The following ENPP6 variants were observed in gnomAD, a reference collection of about 807,000 sequenced individuals.
ENPP6 encodes ectonucleotide pyrophosphatase/phosphodiesterase 6, also known as glycerophosphocholine cholinephosphodiesterase ENPP6.
Under a neutral mutation model 42.0 loss-of-function variants are expected in ENPP6, and 32 were observed. That is an observed-to-expected ratio of 0.76 (90% CI 0.58 to 1.02). The LOEUF (loss-of-function observed/expected upper bound fraction) is 1.02, where lower values mean the gene tolerates loss of function less well. ENPP6 is among the 50% of genes least tolerant of loss of function. The probability of loss-of-function intolerance (pLI) is 0.00; values close to 1 mark genes in which losing one functional copy is unlikely to be tolerated. For missense variants in ENPP6, 552 were observed against 566.8 expected (o/e 0.97, Z 0.27); for synonymous variants, 213 against 216.0 (o/e 0.99, Z 0.12).
intron 1 of ENPP6, among the ~76,000 whole-genome samples, chr4:184,202,908 A>T (rs1175893986): frequency 8.5e-5 from 13 of 152,192 alleles, no homozygotes; most frequent in Admixed American, 5.9e-4. Context: ...TTCTCACAGC[A>T]AGCCTATTGG....
chr4:184,105,893 C>T (rs1190727478), intron 6 of ENPP6, among the ~76,000 whole-genome samples: 1 of 152,138 alleles, frequency 6.6e-6, no homozygotes, highest in Non-Finnish European at 1.5e-5. Flanking sequence ...TAAGGATTTT[C>T]GTGGAACTGC....
At position 184,179,131 on chromosome 4, in the gene ENPP6, A is replaced by G. The variant is rs542375839; in HGVS notation, c.242-25398T>C. ...TTGGCATGTTGTGTTCAAGAGACTT[A>G]TCTCACATGGAAAGATACACATAAG... On this transcript the variant is annotated intron_variant, in intron 1 of 7. Coordinates refer to ENST00000296741, the MANE Select transcript of ENPP6 (RefSeq NM_153343.4). Among the ~76,000 whole-genome samples, 7 of 152,348 alleles carry G rather than the reference A, an allele frequency of 4.6e-5. No individual in the cohort carries two copies. In the South Asian group the frequency reaches 1.2e-3, roughly 27 times the overall value.
intron 1 of ENPP6, among the ~76,000 whole-genome samples, chr4:184,164,928 C>T (rs1235898711): frequency 6.6e-6 from 1 of 152,184 alleles, no homozygotes; most frequent in East Asian, 1.9e-4. Context: ...CTTGTGCAAC[C>T]AGAATGAACC....
At chr4:184,131,478 C>A (rs186004917) in intron 2 of ENPP6, among the ~76,000 whole-genome samples, 89 of 150,972 alleles carry the variant, frequency 5.9e-4, no homozygotes, top group East Asian at 1.6e-3. Flanking sequence ...TTAGCCTCCC[C>A]GAGTAGCTGG....
intron 6 of ENPP6, among the ~76,000 whole-genome samples, chr4:184,104,781 C>T (rs1387472502): frequency 1.3e-5 from 2 of 152,140 alleles, no homozygotes; most frequent in African/African-American, 2.4e-5. Flanking sequence ...TAATTCATAC[C>T]ACCCACTAAC....
intron 1 of ENPP6, among the ~76,000 whole-genome samples, chr4:184,182,041 A>C (rs1193063769): frequency 6.6e-6 from 1 of 152,186 alleles, no homozygotes; most frequent in Non-Finnish European, 1.5e-5. Context: ...GCTTTTGCAC[A>C]GCAAAAGAAT....
chr4:184,099,236 C>G (rs753360136), intron 6 of ENPP6, among the ~76,000 whole-genome samples: 1 of 152,224 alleles, frequency 6.6e-6, no homozygotes, highest in Non-Finnish European at 1.5e-5. Context: ...TGGCAGCGGC[C>G]AGTGAGGTGT....
At chr4:184,206,227 A>G (rs966744523) in intron 1 of ENPP6, among the ~76,000 whole-genome samples, 4 of 148,146 alleles carry the variant, frequency 2.7e-5, no homozygotes, top group African/African-American at 1.0e-4. Context: ...AGAGTCTGTG[A>G]ACAGCCCCTC....
In ENPP6 at chr4:184,175,127, C is replaced by G. The variant is rs547949895; in HGVS notation, c.242-21394G>C. On this transcript the variant is annotated intron_variant, in intron 1 of 7. Coordinates refer to ENST00000296741, the MANE Select transcript of ENPP6 (RefSeq NM_153343.4). ...CCGCTCTCCCTCCTTGCCCAGTGCC[C>G]CACCTTGTGTCCTCACTCCCTCACC... Among the ~76,000 whole-genome samples, 5 of 152,266 alleles carry G rather than the reference C, an allele frequency of 3.3e-5. No individual in the cohort carries two copies. The South Asian group carries it at 1.0e-3, about 32-fold the overall frequency.
chr4:184,207,896 G>A lies in ENPP6; in HGVS notation c.241+9683C>T, dbSNP rs574404080. Reference sequence around the variant, plus strand: ...TCCTGGGCCCCTCTCCACCGCCTGCGAGGGCCGCCTTGCTGTGTCCTCAGA... The same window carrying A: ...TCCTGGGCCCCTCTCCACCGCCTGCAAGGGCCGCCTTGCTGTGTCCTCAGA... On this transcript the variant is annotated intron_variant, in intron 1 of 7. Coordinates refer to ENST00000296741, the MANE Select transcript of ENPP6 (RefSeq NM_153343.4). Among the ~76,000 whole-genome samples, 7 of 152,316 alleles carry A rather than the reference G, an allele frequency of 4.6e-5. No individual in the cohort carries two copies. In the East Asian group the frequency reaches 5.8e-4, roughly 13 times the overall value.
chr4:184,157,855 A>G (rs1443092367), intron 1 of ENPP6, among the ~76,000 whole-genome samples: 1 of 145,970 alleles, frequency 6.9e-6, no homozygotes, highest in Non-Finnish European at 1.5e-5. Flanking sequence ...CCTGGGCTCC[A>G]GTGATCCACC....
intron 2 of ENPP6, among the ~76,000 whole-genome samples, chr4:184,149,194 T>A (rs1258280942): frequency 6.6e-6 from 1 of 152,230 alleles, no homozygotes; most frequent in Non-Finnish European, 1.5e-5. Flanking sequence ...GGCCGTGACT[T>A]AGCTATCAGG....
At chr4:184,150,444 A>C (rs1169737502) in intron 2 of ENPP6, among the ~76,000 whole-genome samples, 2 of 152,088 alleles carry the variant, frequency 1.3e-5, no homozygotes, top group African/African-American at 4.8e-5. Flanking sequence ...TGGAGAAGGA[A>C]GAGGAGGATT....
intron 6 of ENPP6, among the ~76,000 whole-genome samples, chr4:184,101,612 A>G (rs4615212): frequency 0.17 from 25,862 of 151,830 alleles, 2,416 homozygotes; most frequent in African/African-American, 0.25. Flanking sequence ...AGGGTGACCA[A>G]CTCTCCTGGT....
chr4:184,147,795 T>G, intron 2 of ENPP6, among the ~76,000 whole-genome samples: 1 of 58,520 alleles, frequency 1.7e-5, no homozygotes, highest in Non-Finnish European at 4.4e-5. Context: ...AGAAAGACCC[T>G]GTTTCAAAAA....
At chr4:184,171,394 A>G (rs951734344) in intron 1 of ENPP6, among the ~76,000 whole-genome samples, 4 of 152,252 alleles carry the variant, frequency 2.6e-5, no homozygotes, top group South Asian at 2.1e-4. Context: ...GAAGTTACAT[A>G]GCATCACTTC....
intron 1 of ENPP6, among the ~76,000 whole-genome samples, chr4:184,168,251 A>G (rs934283681): frequency 1.3e-5 from 2 of 152,140 alleles, no homozygotes; most frequent in South Asian, 2.1e-4. Context: ...CAGGTAGGGA[A>G]AGCTTTGGCA....
intron 1 of ENPP6, among the ~76,000 whole-genome samples, chr4:184,171,287 C>T (rs1045804523): frequency 2.6e-5 from 4 of 152,222 alleles, no homozygotes; most frequent in African/African-American, 9.7e-5. Context: ...TCCATATGGC[C>T]ACCTGGCATC....
chr4:184,136,095 C>T (rs1478197863), intron 2 of ENPP6, among the ~76,000 whole-genome samples: 1 of 151,646 alleles, frequency 6.6e-6, no homozygotes, highest in Non-Finnish European at 1.5e-5. Flanking sequence ...GTGCCATTTC[C>T]CTTCCTCTAT....
Sources: allele counts gnomAD v4.1 joint callset (sites outside exome capture counted in the v4.1 genomes callset), GRCh38; gene constraint gnomAD v4.1.1; transcripts MANE v1.5; gene names NCBI Gene and HGNC (gene_info 2026-07-23, HGNC 2026-07-21).